Variants in EFL1 observed in about 807,000 individuals in gnomAD.
EFL1 encodes elongation factor like GTPase 1.
EFL1 carries 76 observed loss-of-function variants against 126.7 expected under a neutral mutation model. That is an observed-to-expected ratio of 0.60 (90% CI 0.50 to 0.73). The LOEUF (loss-of-function observed/expected upper bound fraction) is 0.73. Ranked by LOEUF, EFL1 falls within the 30% of genes least tolerant of loss-of-function variation. EFL1 has a pLI of 0.00. For synonymous variants in EFL1, 410 were observed against 448.4 expected, an observed-to-expected ratio of 0.91 and a Z score of 1.08; for missense variants, 1,128 against 1,343.2, an observed-to-expected ratio of 0.84 and a Z score of 2.50.
chr15:82,171,075 A>G (rs1226898939), intron 15 of EFL1, among the ~76,000 whole-genome samples: 1 of 152,238 alleles, frequency 6.6e-6, no homozygotes, highest in African/African-American at 2.4e-5. Context: ...TAAACCCTAA[A>G]TATTTCCAAT....
chr15:82,135,071 T>C (rs2073706190), intron 19 of EFL1, among the ~76,000 whole-genome samples: 1 of 152,132 alleles, frequency 6.6e-6, no homozygotes, highest in Admixed American at 6.5e-5. Flanking sequence ...CATTTAATTA[T>C]AATGTAGTTT....
intron 15 of EFL1, among the ~76,000 whole-genome samples, chr15:82,201,572 C>T (rs1314681461): frequency 6.6e-6 from 1 of 152,004 alleles, no homozygotes; most frequent in Non-Finnish European, 1.5e-5. Flanking sequence ...ATAAATATAT[C>T]CTTTTATTTT....
chr15:82,226,087 T>C (rs1458897189), intron 11 of EFL1, among the ~76,000 whole-genome samples: 1 of 152,198 alleles, frequency 6.6e-6, no homozygotes, highest in African/African-American at 2.4e-5. Context: ...TCACTCTGTT[T>C]TGTCTGCAAT....
intron 15 of EFL1, among the ~76,000 whole-genome samples, chr15:82,195,964 T>C (rs2074403673): frequency 6.6e-6 from 1 of 152,184 alleles, no homozygotes; most frequent in African/African-American, 2.4e-5. Context: ...GAGCCAGATG[T>C]ATCTGTCTGA....
intron 15 of EFL1, among the ~76,000 whole-genome samples, chr15:82,208,844 GCATCAGCAAACCTGAAA>G (rs1365548289): frequency 6.6e-6 from 1 of 151,872 alleles, no homozygotes; most frequent in East Asian, 1.9e-4. Flanking sequence ...GAATCGACAG[GCATCAGCAAACCTGAAA>G]CTAAAACACC....
chr15:82,210,862 CAA>C (rs76409669), intron 15 of EFL1, among the ~76,000 whole-genome samples: 1,921 of 109,202 alleles, frequency 0.018, 37 homozygotes, highest in African/African-American at 0.058. Context: ...AACTCCATTA[CAA>C]AAAAAAAAAA....
intron 15 of EFL1, among the ~76,000 whole-genome samples, chr15:82,210,744 C>T (rs551758846): frequency 3.9e-5 from 6 of 151,924 alleles, no homozygotes; most frequent in Non-Finnish European, 5.9e-5. Flanking sequence ...TGCTTGTAAT[C>T]GCAGCTACTC....
chr15:82,241,073 A>G (rs142860980), intron 5 of EFL1, among the ~76,000 whole-genome samples, 197 bp downstream of exon 5: 319 of 152,256 alleles, frequency 2.1e-3, no homozygotes, highest in African/African-American at 7.1e-3. Context: ...ACAAAAACAA[A>G]GTATGTTAAA....
Position 82,261,795 on chromosome 15 carries a change from T to C in EFL1, c.-17A>G, listed in dbSNP as rs1464725159. On this transcript the variant is annotated splice_region_variant and 5_prime_UTR_variant, in exon 2 of 20. Transcript: ENST00000268206. ...GAGCACCATGATTACTTATTTCCTG[T>C]GACTAAAAATTAAATATGTATTACA... The C allele has an allele frequency of 1.2e-6, 2 of 1,609,352 alleles. No homozygotes were observed. Among genetic ancestry groups the C allele is most frequent in the Non-Finnish European group, 1.7e-6 (2 of 1,177,978 alleles).
At chr15:82,242,057 C>T in intron 4 of EFL1, among the ~76,000 whole-genome samples, 1 of 152,026 alleles carries the variant, frequency 6.6e-6, no homozygotes, top group Non-Finnish European at 1.5e-5. Context: ...CGGAAATTCC[C>T]ACATCCTATC....
chr15:82,141,694 A>C (rs2073789827), intron 18 of EFL1, among the ~76,000 whole-genome samples: 1 of 151,786 alleles, frequency 6.6e-6, no homozygotes, highest in South Asian at 2.1e-4. Flanking sequence ...AACCAAAAAA[A>C]AAAAAACAAA....
At chr15:82,167,278 G>A (rs893112465) in intron 15 of EFL1, among the ~76,000 whole-genome samples, 2 of 152,128 alleles carry the variant, frequency 1.3e-5, no homozygotes, top group African/African-American at 4.8e-5. Context: ...TTATGATCCT[G>A]ATTTTTCTCT....
In EFL1 at chr15:82,152,043, T is replaced by C. The variant is rs778456517; in HGVS notation, c.2411A>G (p.Lys804Arg). The C allele has an allele frequency of 6.2e-7, 1 of 1,614,198 alleles. No individual in the cohort carries two copies. Among genetic ancestry groups the C allele is most frequent in the South Asian group, 1.1e-5 (1 of 91,082 alleles). Residue 804 changes from lysine (K) to arginine (R), a missense_variant, in exon 18 of 20, where the codon AAA (lysine) becomes AGA (arginine). Physicochemically the swap from Lys to Arg is conservative, Grantham distance 26 (BLOSUM62 2). Coordinates refer to ENST00000268206, the MANE Select transcript of EFL1 (RefSeq NM_024580.6). ...QKTQEKIWEF[K>R]GKLEQHLTGR... ...TGTTAGGTGTTGCTCCAGTTTTCCT[T>C]TGAATTCCCAAATTTTCTCTTGGGT...
chr15:82,186,411 A>C (rs2074304355), intron 15 of EFL1, among the ~76,000 whole-genome samples: 1 of 152,222 alleles, frequency 6.6e-6, no homozygotes, highest in Non-Finnish European at 1.5e-5. Context: ...CCTAAAAAGC[A>C]CATCTCTTAA....
At chr15:82,221,930 A>G (rs1330760274) in intron 12 of EFL1, among the ~76,000 whole-genome samples, 5 of 151,990 alleles carry the variant, frequency 3.3e-5, no homozygotes, top group Non-Finnish European at 4.4e-5. Context: ...TGCCTTCCCC[A>G]CCTTCCTTCT....
chr15:82,255,274 A>C (rs2075057182), intron 3 of EFL1, among the ~76,000 whole-genome samples: 1 of 152,094 alleles, frequency 6.6e-6, no homozygotes, highest in African/African-American at 2.4e-5. Context: ...TCCTTTTGTA[A>C]GTTTTTTACT....
intron 18 of EFL1, among the ~76,000 whole-genome samples, chr15:82,145,680 A>G (rs1233858001): frequency 6.6e-6 from 1 of 151,376 alleles, no homozygotes; most frequent in Non-Finnish European, 1.5e-5. Flanking sequence ...TAAAAATACA[A>G]AAAAATAGCC....
Position 82,152,083 on chromosome 15 carries a change from TGTGA to T in EFL1, c.2367_2370del (p.His790Ter). On this transcript the variant is annotated frameshift_variant, in exon 18 of 20. Transcript: ENST00000268206. LOFTEE classifies it high-confidence loss of function. The stretch of plus-strand genomic sequence containing the variant: ...TTCTCTTGGGTCTTCTGATGAATCA[TGTGA>T]GTATTTTCACCCTCATTCAAAGAGG... 6.2e-7 allele frequency: 1 copy of T among 1,614,166 alleles called. No individual in the cohort carries two copies. The highest frequency in any genetic ancestry group is 8.5e-7 in the Non-Finnish European group (1 of 1,180,034).
intron 4 of EFL1, among the ~76,000 whole-genome samples, chr15:82,250,560 G>C (rs555892685): frequency 7.0e-4 from 104 of 149,458 alleles, no homozygotes; most frequent in African/African-American, 2.5e-3. Context: ...CAGGATAATA[G>C]GGTAAGAAGT....
Sources: gnomAD v4.1 joint callset for allele counts (sites outside exome capture counted in the v4.1 genomes callset) on GRCh38, gnomAD v4.1.1 for gene constraint, MANE v1.5 for transcripts, NCBI Gene and HGNC (gene_info 2026-07-23, HGNC 2026-07-21) for gene names.